BLTP3A: variants seen among roughly 807,000 people sequenced by gnomAD.
BLTP3A encodes ICBP90 binding protein 1.
the BLTP3A span, among the ~76,000 whole-genome samples, chr6:34,848,373 AG>A: frequency 3.3e-5 from 5 of 151,932 alleles, no homozygotes. Flanking sequence ...TGGGAGGCTG[AG>A]TGGGACAGAT....
the BLTP3A span, among the ~76,000 whole-genome samples, chr6:34,809,645 G>A: frequency 3.3e-5 from 5 of 151,986 alleles, no homozygotes; most frequent in East Asian, 7.7e-4. Flanking sequence ...AGCTCACTGC[G>A]ACCTCTGCCT....
chr6:34,833,920 CAAAAAAAAAA>C, the BLTP3A span, among the ~76,000 whole-genome samples: 2 of 45,082 alleles, frequency 4.4e-5, no homozygotes, highest in African/African-American at 7.7e-5. Context: ...GACTCCGTCT[CAAAAAAAAAA>C]AAAAAAAAAA....
chr6:34,859,553 T>C, the BLTP3A span: 8 of 1,613,970 alleles, frequency 5.0e-6, no homozygotes, highest in Non-Finnish European at 6.8e-6. Flanking sequence ...CACAAGATGT[T>C]GTCCCTGCCC....
At chr6:34,834,925 G>A in the BLTP3A span, 1 of 1,570,288 alleles carries the variant, frequency 6.4e-7, no homozygotes, top group Non-Finnish European at 8.6e-7. Flanking sequence ...GCCTGGATTT[G>A]GTATTCCCTT....
the BLTP3A span, chr6:34,871,551 G>A: frequency 6.3e-7 from 1 of 1,598,494 alleles, no homozygotes; most frequent in East Asian, 2.2e-5. Context: ...TGAGCTGGTG[G>A]GGGGCATCAT....
chr6:34,834,455 T>G, the BLTP3A span: 2 of 1,597,078 alleles, frequency 1.3e-6, no homozygotes, highest in Non-Finnish European at 1.7e-6. Flanking sequence ...ATATTCAAAG[T>G]CAGACTGATT....
the BLTP3A span, among the ~76,000 whole-genome samples, chr6:34,810,908 G>A: frequency 3.3e-5 from 5 of 152,050 alleles, no homozygotes; most frequent in African/African-American, 4.8e-5. Flanking sequence ...ATAAACTTTA[G>A]GATAGTAAAT....
chr6:34,843,743 C>T, the BLTP3A span, among the ~76,000 whole-genome samples: 1 of 152,192 alleles, frequency 6.6e-6, no homozygotes, highest in Non-Finnish European at 1.5e-5. Context: ...GATTTCATTT[C>T]CTTTGGATAA....
At chr6:34,844,779 A>G in the BLTP3A span, among the ~76,000 whole-genome samples, 2 of 152,050 alleles carry the variant, frequency 1.3e-5, no homozygotes, top group African/African-American at 4.8e-5. Flanking sequence ...ATAGTTTGCA[A>G]ATGTTTTCTC....
chr6:34,823,721 G>A, the BLTP3A span, among the ~76,000 whole-genome samples: 12 of 149,712 alleles, frequency 8.0e-5, no homozygotes, highest in African/African-American at 2.9e-4. Flanking sequence ...TTTTTGTAGC[G>A]ATGGTGTCTC....
At chr6:34,844,379 A>T in the BLTP3A span, among the ~76,000 whole-genome samples, 1 of 152,164 alleles carries the variant, frequency 6.6e-6, no homozygotes, top group Non-Finnish European at 1.5e-5. Context: ...GGTTCAAGCA[A>T]TTCTCATGCC....
At chr6:34,844,763 A>G in the BLTP3A span, among the ~76,000 whole-genome samples, 1 of 152,190 alleles carries the variant, frequency 6.6e-6, no homozygotes, top group Non-Finnish European at 1.5e-5. Flanking sequence ...ATCCCTTGCC[A>G]GATGAATAGT....
the BLTP3A span, among the ~76,000 whole-genome samples, chr6:34,820,291 G>T: frequency 6.6e-6 from 1 of 151,610 alleles, no homozygotes; most frequent in Admixed American, 6.6e-5. Flanking sequence ...ATTCTTTTCT[G>T]TGTGGGGGTC....
chr6:34,846,408 G>T, the BLTP3A span, among the ~76,000 whole-genome samples: 1 of 152,028 alleles, frequency 6.6e-6, no homozygotes, highest in East Asian at 1.9e-4. Flanking sequence ...GCCTCCCAAA[G>T]TACTGAGATT....
the BLTP3A span, chr6:34,859,118 C>T: frequency 3.1e-6 from 5 of 1,614,182 alleles, no homozygotes; most frequent in Non-Finnish European, 4.2e-6. Flanking sequence ...TCTGATGCCT[C>T]ATCAGACCAG....
the BLTP3A span, chr6:34,858,514 G>A: frequency 1.9e-6 from 3 of 1,613,976 alleles, no homozygotes; most frequent in Non-Finnish European, 2.5e-6. Flanking sequence ...GAATTTTGTA[G>A]CCCCCTTCCC....
the BLTP3A span, among the ~76,000 whole-genome samples, chr6:34,840,355 C>A: frequency 6.7e-6 from 1 of 149,056 alleles, no homozygotes; most frequent in Non-Finnish European, 1.5e-5. Flanking sequence ...GAGTTTGAGA[C>A]CAGCCTGGCC....
At chr6:34,834,569 A>G in the BLTP3A span, 3,024 of 1,338,092 alleles carry the variant, frequency 2.3e-3, 38 homozygotes, top group African/African-American at 0.027. Flanking sequence ...CCTTTCCTCA[A>G]TTATGGATCC....
chr6:34,862,580 A>G, the BLTP3A span, among the ~76,000 whole-genome samples: 1 of 152,028 alleles, frequency 6.6e-6, no homozygotes, highest in South Asian at 2.1e-4. Flanking sequence ...CACGCCTGTA[A>G]TCCCGGCACT....
Sources: gnomAD v4.1 joint callset for allele counts (sites outside exome capture counted in the v4.1 genomes callset) on GRCh38, gnomAD v4.1.1 for gene constraint, MANE v1.5 for transcripts, NCBI Gene and HGNC (gene_info 2026-07-23, HGNC 2026-07-21) for gene names.